The following H6PD variants were observed in gnomAD, a reference collection of about 807,000 sequenced individuals.
The protein encoded by H6PD is hexose-6-phosphate dehydrogenase/glucose 1-dehydrogenase, also known as GDH/6PGL endoplasmic bifunctional protein.
H6PD carries 48 observed loss-of-function variants against 61.2 expected under a neutral mutation model. That is an observed-to-expected ratio of 0.78 (90% confidence interval 0.62 to 1.00). The LOEUF (loss-of-function observed/expected upper bound fraction) is 1.00. Among genes scored for constraint, H6PD ranks in the 50% least tolerant of loss-of-function variants. The pLI is 0.00. For missense variants in H6PD, 1,093 were observed against 1,065.0 expected, an observed-to-expected ratio of 1.03 and a Z score of -0.37; for synonymous variants, 480 against 457.9, an observed-to-expected ratio of 1.05 and a Z score of -0.62.
Position 9,258,206 on chromosome 1 carries a change from A to G in H6PD, c.746-3853A>G, listed in dbSNP as rs553075876. On this transcript the variant is annotated intron_variant, in intron 3 of 4. Transcript: ENST00000377403. ...ATTGTTACACCGGTGTTGTTACGCC[A>G]GTGTTGTTATGTTGCTGTTGTTACG... is the stretch of plus-strand genomic sequence containing the variant. 9.2e-5 allele frequency among the ~76,000 whole-genome samples: 14 copies of G among 151,746 alleles called. No homozygotes were observed. In the South Asian group the frequency reaches 2.5e-3, roughly 27 times the overall value.
intron 1 of H6PD, among the ~76,000 whole-genome samples, chr1:9,235,695 C>A (rs1409986295): frequency 6.6e-6 from 1 of 152,222 alleles, no homozygotes; most frequent in East Asian, 1.9e-4. Flanking sequence ...CCTGCAGCCT[C>A]CACCTCTTGG....
Position 9,263,993 on chromosome 1 carries a change from C to T in H6PD, c.1500C>T (p.Leu500=), listed in dbSNP as rs1260917151. Residue 500 remains leucine, a synonymous_variant, in exon 5 of 5, where the codon CTC becomes CTT. Coordinates refer to ENST00000377403, the MANE Select transcript of H6PD (RefSeq NM_004285.4). The part of the protein sequence containing the change: ...LESLAHKAPR[L]YPGGAENGRL... ...GCCTGGCCCATAAGGCCCCACGCCT[C>T]TACCCTGGAGGAGCTGAGAATGGCC... is the stretch of plus-strand genomic sequence containing the variant. The T allele has an allele frequency of 6.2e-7, 1 of 1,614,234 alleles. No homozygotes were observed. The highest frequency in any genetic ancestry group is 1.7e-5 in the Admixed American group (1 of 60,032).
rs957850530 is a variant in H6PD at position 9,270,880 on chromosome 1, T to A, written c.*6011T>A. On this transcript the variant is annotated 3_prime_UTR_variant, in exon 5 of 5. Coordinates refer to ENST00000377403, the MANE Select transcript of H6PD (RefSeq NM_004285.4). ...TTTCCAGAGAGGGGAACCCCACTGG[T>A]TTTTGTGGAAACAATGGAAACTTAC... is the stretch of plus-strand genomic sequence containing the variant. 14 of 152,080 alleles carry A rather than the reference T, an allele frequency of 9.2e-5. No individual in the cohort carries two copies. Among genetic ancestry groups the A allele is most frequent in the African/African-American group, 3.4e-4 (14 of 41,366 alleles). The allele number at this position is 152,080 out of a possible 1,614,324, so 9.4% of individuals were successfully genotyped here.
intron 3 of H6PD, among the ~76,000 whole-genome samples, chr1:9,249,565 G>A (rs937745313): frequency 1.3e-5 from 2 of 152,144 alleles, no homozygotes; most frequent in Non-Finnish European, 2.9e-5. Context: ...AGGGTCCGCC[G>A]CTCCTAAGCT....
At chr1:9,244,080 T>C (rs1641085615) in intron 1 of H6PD, among the ~76,000 whole-genome samples, 1 of 152,212 alleles carries the variant, frequency 6.6e-6, no homozygotes, top group Non-Finnish European at 1.5e-5. Flanking sequence ...CATGTGGTTC[T>C]TTCAGGATTC....
At chr1:9,256,962 T>C in intron 3 of H6PD, among the ~76,000 whole-genome samples, 1 of 152,180 alleles carries the variant, frequency 6.6e-6, no homozygotes, top group Non-Finnish European at 1.5e-5. Flanking sequence ...AGCATGGATC[T>C]TTTTGTCTCT....
At chr1:9,242,542 G>C in intron 1 of H6PD, 12 of 984,896 alleles carry the variant, frequency 1.2e-5, no homozygotes, top group Non-Finnish European at 1.4e-5. Flanking sequence ...TGGTCAGGGA[G>C]GACTGTGGCA....
intron 3 of H6PD, among the ~76,000 whole-genome samples, chr1:9,252,958 A>G (rs1641412890): frequency 6.6e-6 from 1 of 152,076 alleles, no homozygotes; most frequent in African/African-American, 2.4e-5. Flanking sequence ...ATGGGTTTCA[A>G]CCCTCAACTT....
At chr1:9,243,941 A>G (rs1477372770) in intron 1 of H6PD, among the ~76,000 whole-genome samples, 1 of 152,052 alleles carries the variant, frequency 6.6e-6, no homozygotes, top group Admixed American at 6.5e-5. Context: ...GGTGCTGGAG[A>G]GGTCATTGGG....
intron 3 of H6PD, among the ~76,000 whole-genome samples, chr1:9,253,457 CAT>C (rs1386984167): frequency 2.0e-4 from 30 of 152,198 alleles, no homozygotes; most frequent in African/African-American, 6.5e-4. Context: ...ATGCTGTTGA[CAT>C]ATAAATCCAC....
intron 3 of H6PD, among the ~76,000 whole-genome samples, chr1:9,251,141 C>T (rs961586637): frequency 6.6e-6 from 1 of 152,186 alleles, no homozygotes; most frequent in South Asian, 2.1e-4. Flanking sequence ...CACTGAGCCT[C>T]CTTCATCCCA....
chr1:9,263,012 C>G (rs938295826), intron 4 of H6PD, among the ~76,000 whole-genome samples: 8 of 152,170 alleles, frequency 5.3e-5, no homozygotes, highest in Admixed American at 2.0e-4. Flanking sequence ...CCTTGTCCCT[C>G]CTTGCCAACA....
At chr1:9,256,386 G>A (rs560916291) in intron 3 of H6PD, among the ~76,000 whole-genome samples, 2 of 152,274 alleles carry the variant, frequency 1.3e-5, no homozygotes, top group South Asian at 2.1e-4. Context: ...TGTTATGGCC[G>A]GGGACAGAGT....
chr1:9,246,951 T>A lies in H6PD; in HGVS notation c.628-15T>A. The A allele has an allele frequency of 6.3e-7, 1 of 1,576,762 alleles. No homozygotes were observed. Among genetic ancestry groups the A allele is most frequent in the South Asian group, 1.1e-5 (1 of 90,496 alleles). ...AGAGTATCCTGCAGCACGCCCAGTC[T>A]TCCCCCCCCGACAGGCTGTGGCGCA... is the stretch of plus-strand genomic sequence containing the variant. On this transcript the variant is annotated splice_polypyrimidine_tract_variant and intron_variant, in intron 2 of 4. Transcript: ENST00000377403.
intron 3 of H6PD, 44 bp downstream of exon 3, chr1:9,247,127 G>C: frequency 2.3e-6 from 3 of 1,297,060 alleles, no homozygotes; most frequent in Non-Finnish European, 3.4e-6. Flanking sequence ...GCCTCTGCCT[G>C]CCCGCTGTCT....
chr1:9,252,303 T>C (rs1399938381), intron 3 of H6PD, among the ~76,000 whole-genome samples: 4 of 152,252 alleles, frequency 2.6e-5, no homozygotes, highest in East Asian at 1.9e-4. Flanking sequence ...GCACAACATA[T>C]ACCTTTTAAT....
At chr1:9,246,275 C>G (rs1481463587) in intron 2 of H6PD, among the ~76,000 whole-genome samples, 1 of 152,156 alleles carries the variant, frequency 6.6e-6, no homozygotes, top group African/African-American at 2.4e-5. Flanking sequence ...GTTTTTCTTC[C>G]TGAGTTCTGT....
In H6PD at chr1:9,245,592, A is replaced by G; in HGVS notation, c.627+31A>G. 2 of 1,609,428 alleles carry G rather than the reference A, an allele frequency of 1.2e-6. No individual in the cohort carries two copies. The highest frequency in any genetic ancestry group is 1.7e-6 in the Non-Finnish European group (2 of 1,175,852). ...CATCAGCATGGAGCCTGCCAGGGCT[A>G]GGGTGAGCTGGGCGCTGGTAGACCC... On this transcript the variant is annotated intron_variant, in intron 2 of 4. Coordinates refer to ENST00000377403, the MANE Select transcript of H6PD (RefSeq NM_004285.4). The surrounding 1 kb of genome is among the most constrained non-coding windows in gnomAD (Gnocchi z 4.8).
At chr1:9,260,489 G>A (rs904108654) in intron 3 of H6PD, among the ~76,000 whole-genome samples, 6 of 151,490 alleles carry the variant, frequency 4.0e-5, no homozygotes, top group African/African-American at 9.7e-5. Flanking sequence ...TTGCTGTTAC[G>A]CCAGTGTTGT....
Sources: allele counts gnomAD v4.1 joint callset (sites outside exome capture counted in the v4.1 genomes callset), GRCh38; gene constraint gnomAD v4.1.1; non-coding constraint Gnocchi (gnomAD v3.1); transcripts MANE v1.5; gene names NCBI Gene and HGNC (gene_info 2026-07-23, HGNC 2026-07-21).